The following RIPK1 variants were observed in gnomAD, a reference collection of about 807,000 sequenced individuals.
The protein encoded by RIPK1 is receptor interacting serine/threonine kinase 1.
In RIPK1, 27 loss-of-function variants were observed where a neutral mutation model predicts 62.4. That is an observed-to-expected ratio of 0.43 (90% CI 0.32 to 0.60). The LOEUF (loss-of-function observed/expected upper bound fraction) is 0.60, where lower values mean the gene tolerates loss of function less well. Among genes scored for constraint, RIPK1 ranks in the 20% least tolerant of loss-of-function variants. The probability of loss-of-function intolerance (pLI) is 0.07; values close to 1 mark genes in which losing one functional copy is unlikely to be tolerated. For synonymous variants in RIPK1, 287 were observed against 303.2 expected (o/e 0.95, Z 0.55); for missense variants, 735 against 831.0 (o/e 0.88, Z 1.42).
chr6:3,110,151 G>A (rs35929836), intron 9 of RIPK1, among the ~76,000 whole-genome samples: 3,896 of 151,722 alleles, frequency 0.026, 103 homozygotes, highest in East Asian at 0.071. Context: ...ACTCAGAAAC[G>A]GAATTGCTGG....
At chr6:3,078,821 G>A (rs1045647969) in intron 3 of RIPK1, among the ~76,000 whole-genome samples, 1 of 152,250 alleles carries the variant, frequency 6.6e-6, no homozygotes, top group Admixed American at 6.5e-5. Context: ...TGAAGGCCTT[G>A]CGCTAGTTGC....
At chr6:3,077,451 A>C (rs1423052367) in intron 2 of RIPK1, among the ~76,000 whole-genome samples, 3 of 148,752 alleles carry the variant, frequency 2.0e-5, no homozygotes, top group African/African-American at 7.7e-5. Flanking sequence ...GTTTTGAGAG[A>C]GGCTGTTTTT....
chr6:3,094,045 AG>A (rs1760129695), intron 7 of RIPK1, among the ~76,000 whole-genome samples: 1 of 141,638 alleles, frequency 7.1e-6, no homozygotes, highest in African/African-American at 2.9e-5. Flanking sequence ...TAGTAACTGC[AG>A]CGCGCCTACC....
intron 6 of RIPK1, among the ~76,000 whole-genome samples, chr6:3,087,609 G>A (rs1030144619): frequency 6.6e-6 from 1 of 150,808 alleles, no homozygotes; most frequent in African/African-American, 2.4e-5. Context: ...AGGTTGGAGT[G>A]CAGTGGCGCA....
chr6:3,101,311 T>C (rs977894147), intron 7 of RIPK1, among the ~76,000 whole-genome samples: 9 of 152,106 alleles, frequency 5.9e-5, no homozygotes, highest in African/African-American at 2.2e-4. Flanking sequence ...AACATACAGC[T>C]GGGTGAGGTG....
At chr6:3,064,563 T>C (rs1423418024), upstream of RIPK1, among the ~76,000 whole-genome samples, 2 of 152,132 alleles carry the variant, frequency 1.3e-5, no homozygotes, top group Admixed American at 1.3e-4. Context: ...AGAGCCAGGC[T>C]CAGCGCTCGC....
chr6:3,070,021 TAAATA>T (rs909233569), intron 1 of RIPK1, among the ~76,000 whole-genome samples: 222 of 151,680 alleles, frequency 1.5e-3, no homozygotes, highest in Middle Eastern at 0.014. Flanking sequence ...AAAAAAAAAA[TAAATA>T]AAGAAATGGG....
At chr6:3,086,635 T>C (rs1379477910) in intron 6 of RIPK1, among the ~76,000 whole-genome samples, 1 of 152,170 alleles carries the variant, frequency 6.6e-6, no homozygotes. Context: ...ATGTACAAGG[T>C]GAGGTATGGG....
At chr6:3,079,916 G>A (rs1235147003) in intron 3 of RIPK1, among the ~76,000 whole-genome samples, 1 of 152,214 alleles carries the variant, frequency 6.6e-6, no homozygotes, top group East Asian at 1.9e-4. Context: ...GGGACATGAG[G>A]CATTGTGCAA....
Position 3,077,871 on chromosome 6 carries a change from G to A in RIPK1, c.257G>A (p.Gly86Glu). Residue 86 changes from glycine to glutamate, a missense_variant, in exon 3 of 11, where the codon GGG becomes GAG. Transcript: ENST00000259808. ...VKLLGVIIEEGKYSLVMEYME... is the reference protein window; with the variant it reads ...VKLLGVIIEEEKYSLVMEYME... ...CTCCTGGGCGTCATCATAGAGGAAG[G>A]GAAGTACTCCCTGGTGATGGAGTAC... The A allele has an allele frequency of 1.2e-6, 2 of 1,614,220 alleles. No individual in the cohort carries two copies. Among genetic ancestry groups the A allele is most frequent in the South Asian group, 1.1e-5 (1 of 91,088 alleles).
chr6:3,101,847 A>G (rs1760603156), intron 7 of RIPK1, among the ~76,000 whole-genome samples: 2 of 152,214 alleles, frequency 1.3e-5, no homozygotes, highest in African/African-American at 4.8e-5. Flanking sequence ...CAGTGGCATT[A>G]AGTACATTCA....
chr6:3,069,057 G>A (rs552144340), intron 1 of RIPK1, among the ~76,000 whole-genome samples: 1 of 152,348 alleles, frequency 6.6e-6, no homozygotes, highest in East Asian at 1.9e-4. Context: ...CCGCCTCTGT[G>A]CCAGAGGTCG....
At position 3,105,692 on chromosome 6, in the gene RIPK1, A is replaced by G. The variant is rs1447446057; in HGVS notation, c.1217A>G (p.Asn406Ser). Residue 406 changes from asparagine to serine, a missense_variant, in exon 9 of 11, where the codon AAC becomes AGC. Asn to Ser is a conservative substitution (Grantham distance 46). This residue lies in a region of RIPK1 where 671 missense variants were observed against 726.2 expected (regional missense o/e 0.92). Transcript: ENST00000259808. The surrounding 1 kb of genome is among the most constrained non-coding windows in gnomAD (Gnocchi z 4.5). ...KQQPRQNVAY[N>S]REEERRRRVS... is the part of the protein sequence containing the mutation. The stretch of plus-strand genomic sequence containing the variant: ...CAGCCCAGACAGAATGTGGCTTACA[A>G]CAGAGAGGAGGAAAGGAGACGCAGG... 8 of 1,614,198 alleles carry G rather than the reference A, an allele frequency of 5.0e-6. No homozygotes were observed. The South Asian group carries it at 8.8e-5, about 18-fold the overall frequency.
At chr6:3,065,619 C>T (rs1316496803), upstream of RIPK1, among the ~76,000 whole-genome samples, 1 of 151,678 alleles carries the variant, frequency 6.6e-6, no homozygotes. Flanking sequence ...TCCAAGTGCA[C>T]TGGGAACTGC....
intron 6 of RIPK1, among the ~76,000 whole-genome samples, chr6:3,088,011 T>A (rs931504530): frequency 6.6e-6 from 1 of 152,386 alleles, no homozygotes; most frequent in East Asian, 1.9e-4. Context: ...ATTCTGACAT[T>A]GCTGTCATCT....
Position 3,072,078 on chromosome 6 carries a change from C to T in RIPK1, c.-61+3417C>T, listed in dbSNP as rs557396540. On this transcript the variant is annotated intron_variant, in intron 1 of 10. Coordinates refer to ENST00000259808, the MANE Select transcript of RIPK1 (RefSeq NM_001354930.2). This position sits in a 1 kb window ranked among gnomAD's most constrained non-coding sequence, Gnocchi z 5.6. ...TGATGGGCATAACTGATTCTCTCCT[C>T]TGTACATGCTAAGTGTTTTACCTAC... is the stretch of plus-strand genomic sequence containing the variant. 3.6e-4 allele frequency among the ~76,000 whole-genome samples: 55 copies of T among 152,314 alleles called. No homozygotes were observed. Among genetic ancestry groups the T allele is most frequent in the Non-Finnish European group, 7.1e-4 (48 of 68,032 alleles).
At chr6:3,104,707 G>A (rs1401799627) in intron 8 of RIPK1, among the ~76,000 whole-genome samples, 1 of 152,132 alleles carries the variant, frequency 6.6e-6, no homozygotes, top group East Asian at 1.9e-4. Flanking sequence ...GGATGGCAGA[G>A]TATAGGATAC....
In RIPK1 at chr6:3,080,926, T is replaced by C; in HGVS notation, c.322-53T>C. The C allele has an allele frequency of 2.4e-5, 38 of 1,570,792 alleles. 1 individual carries two copies. Among genetic ancestry groups the C allele is most frequent in the Non-Finnish European group, 3.2e-5 (37 of 1,147,462 alleles). On this transcript the variant is annotated intron_variant, in intron 3 of 10. Coordinates refer to ENST00000259808, the MANE Select transcript of RIPK1 (RefSeq NM_001354930.2). Reference sequence around the variant, plus strand: ...ACCACCCTTTCATGAAACAGTTGCTTTGGCCTATTTGATAACCTTTCCATT... The same window carrying C: ...ACCACCCTTTCATGAAACAGTTGCTCTGGCCTATTTGATAACCTTTCCATT...
At chr6:3,110,423 G>C (rs1396559742) in intron 9 of RIPK1, among the ~76,000 whole-genome samples, 1 of 151,906 alleles carries the variant, frequency 6.6e-6, no homozygotes, top group Non-Finnish European at 1.5e-5. Flanking sequence ...TGGCCAGGCT[G>C]GTCTTGAACT....
Sources: allele counts gnomAD v4.1 joint callset (sites outside exome capture counted in the v4.1 genomes callset), GRCh38; gene constraint gnomAD v4.1.1; regional missense constraint gnomAD v4.1.1; non-coding constraint Gnocchi (gnomAD v3.1); transcripts MANE v1.5; gene names NCBI Gene and HGNC (gene_info 2026-07-23, HGNC 2026-07-21).